CSMD1: variants seen among roughly 807,000 people sequenced by gnomAD.
CSMD1 encodes the protein CUB and Sushi multiple domains 1.
A neutral mutation model predicts 417.5 loss-of-function variants in CSMD1; 213 were observed. That is an observed-to-expected ratio of 0.51 (90% confidence interval 0.46 to 0.57). The LOEUF is 0.57. CSMD1 is among the 20% of genes least tolerant of loss of function. The pLI is 0.00. For missense variants in CSMD1, 6,923 were observed against 4,529.7 expected (o/e 1.53, Z -15.17); for synonymous variants, 2,862 against 1,736.8 (o/e 1.65, Z -16.11).
At chr8:4,131,515 T>C (rs1803102215) in intron 3 of CSMD1, among the ~76,000 whole-genome samples, 2 of 152,178 alleles carry the variant, frequency 1.3e-5, no homozygotes, top group Non-Finnish European at 2.9e-5. Flanking sequence ...TCACTAAACA[T>C]TATGTTTAAT....
At chr8:3,296,044 G>T (rs536242595) in intron 25 of CSMD1, among the ~76,000 whole-genome samples, 49 of 152,132 alleles carry the variant, frequency 3.2e-4, no homozygotes, top group African/African-American at 1.2e-3. Context: ...GCAGTCCACA[G>T]CACCCATAAC....
intron 7 of CSMD1, among the ~76,000 whole-genome samples, chr8:3,669,755 C>T (rs1030916148): frequency 1.3e-5 from 2 of 152,106 alleles, no homozygotes; most frequent in Non-Finnish European, 2.9e-5. Flanking sequence ...CCTGGCTAAG[C>T]CTGAGGCTAC....
At chr8:3,143,095 C>A (rs761896382) in intron 40 of CSMD1, among the ~76,000 whole-genome samples, 1 of 152,114 alleles carries the variant, frequency 6.6e-6, no homozygotes, top group African/African-American at 2.4e-5. Context: ...ATAGCTTTAT[C>A]AAGGAAAAAC....
At chr8:4,283,052 A>T (rs1312544753) in intron 3 of CSMD1, among the ~76,000 whole-genome samples, 4 of 152,166 alleles carry the variant, frequency 2.6e-5, no homozygotes, top group Admixed American at 2.0e-4. Flanking sequence ...AATGCCTGAT[A>T]GTTAGAAACA....
intron 11 of CSMD1, among the ~76,000 whole-genome samples, chr8:3,471,687 TTCC>T (rs1159105518): frequency 7.1e-6 from 1 of 141,060 alleles, no homozygotes; most frequent in Non-Finnish European, 1.6e-5. Flanking sequence ...CCTTCCTTCC[TTCC>T]TTCTTCCTTT....
At chr8:3,778,580 C>A (rs945147751) in intron 5 of CSMD1, among the ~76,000 whole-genome samples, 3 of 152,278 alleles carry the variant, frequency 2.0e-5, no homozygotes, top group Non-Finnish European at 4.4e-5. Flanking sequence ...GATTCTCTAG[C>A]AGAAAAGAGC....
Position 3,908,574 on chromosome 8 carries a change from C to G in CSMD1, c.818+89329G>C, listed in dbSNP as rs377070067. ...TTTGTAGCTATGGAGCTCACATTTG[C>G]CTCTCCCTTGTTTAATCCCTGGAAC... On this transcript the variant is annotated intron_variant, in intron 5 of 69. Coordinates refer to ENST00000635120, the MANE Select transcript of CSMD1 (RefSeq NM_033225.6). Among the ~76,000 whole-genome samples, 11 of 152,202 alleles carry G rather than the reference C, an allele frequency of 7.2e-5. No homozygotes were observed. The East Asian group carries it at 9.7e-4, about 13-fold the overall frequency.
At chr8:3,054,782 C>T (rs747837852) in intron 49 of CSMD1, among the ~76,000 whole-genome samples, 2 of 152,136 alleles carry the variant, frequency 1.3e-5, no homozygotes, top group Non-Finnish European at 2.9e-5. Flanking sequence ...AAACGAAAAA[C>T]CACAGACATA....
Position 3,110,140 on chromosome 8 carries a change from C to T in CSMD1, c.6608+18G>A. ...TTGATCACAATTACAGATATTTTGA[C>T]TTGAGAGGTTCTCATACCAAACAGC... On this transcript the variant is annotated intron_variant, in intron 43 of 69. Transcript: ENST00000635120. 3 of 1,579,394 alleles carry T rather than the reference C, an allele frequency of 1.9e-6. No homozygotes were observed. Among genetic ancestry groups the T allele is most frequent in the East Asian group, 2.3e-5 (1 of 43,996 alleles).
intron 49 of CSMD1, among the ~76,000 whole-genome samples, chr8:3,062,164 A>G (rs567885866): frequency 1.1e-4 from 16 of 152,012 alleles, no homozygotes; most frequent in African/African-American, 3.6e-4. Context: ...TTTTTTTTCT[A>G]TTTTCCTCCC....
At chr8:3,294,238 G>GT (rs1293639280) in intron 25 of CSMD1, among the ~76,000 whole-genome samples, 9 of 152,040 alleles carry the variant, frequency 5.9e-5, no homozygotes, top group Non-Finnish European at 1.0e-4. Context: ...CCCCTACTGG[G>GT]GGGTGCCTCC....
At chr8:4,497,693 G>C (rs903720458) in intron 2 of CSMD1, among the ~76,000 whole-genome samples, 24 of 152,150 alleles carry the variant, frequency 1.6e-4, no homozygotes, top group African/African-American at 4.3e-4. Context: ...GGAAGGCAGA[G>C]CATAAATAGT....
intron 25 of CSMD1, among the ~76,000 whole-genome samples, chr8:3,292,817 C>A (rs866759016): frequency 2.6e-5 from 4 of 151,954 alleles, no homozygotes; most frequent in African/African-American, 9.7e-5. Context: ...GAGCATTTAG[C>A]CCATTTACAT....
chr8:3,370,721 T>C (rs1809892197), intron 18 of CSMD1, among the ~76,000 whole-genome samples: 1 of 152,158 alleles, frequency 6.6e-6, no homozygotes, highest in Non-Finnish European at 1.5e-5. Flanking sequence ...ACACCTGTAA[T>C]CCCAGCACTT....
intron 3 of CSMD1, among the ~76,000 whole-genome samples, chr8:4,162,590 T>A (rs989276654): frequency 1.3e-5 from 2 of 152,162 alleles, no homozygotes; most frequent in Admixed American, 6.5e-5. Flanking sequence ...AGATTTTATA[T>A]TTTAAGAGCA....
chr8:4,985,804 TAA>T (rs112293710), intron 1 of CSMD1, among the ~76,000 whole-genome samples: 2,355 of 152,186 alleles, frequency 0.015, 56 homozygotes, highest in African/African-American at 0.054. Context: ...GCTGAAACCA[TAA>T]GACAAAAACA....
chr8:3,753,549 A>G (rs1268033044), intron 6 of CSMD1, among the ~76,000 whole-genome samples: 1 of 152,216 alleles, frequency 6.6e-6, no homozygotes, highest in Non-Finnish European at 1.5e-5. Context: ...ATATTACAAT[A>G]CTTTTTGTGC....
intron 11 of CSMD1, among the ~76,000 whole-genome samples, chr8:3,484,535 T>A (rs903375417): frequency 1.3e-5 from 2 of 152,150 alleles, no homozygotes; most frequent in African/African-American, 2.4e-5. Context: ...AGGCAAAGAA[T>A]CCTTAGAGTT....
intron 1 of CSMD1, among the ~76,000 whole-genome samples, chr8:4,813,565 G>C (rs760292133): frequency 6.6e-6 from 1 of 152,116 alleles, no homozygotes; most frequent in Non-Finnish European, 1.5e-5. Flanking sequence ...AGAAGCCCTA[G>C]AGAAACATGT....
Sources: gnomAD v4.1 joint callset for allele counts (sites outside exome capture counted in the v4.1 genomes callset) on GRCh38, gnomAD v4.1.1 for gene constraint, MANE v1.5 for transcripts, NCBI Gene and HGNC (gene_info 2026-07-23, HGNC 2026-07-21) for gene names.